The following POLR3C variants were observed in gnomAD, a reference collection of about 807,000 sequenced individuals.
POLR3C encodes the protein RNA polymerase III subunit C.
Under a neutral mutation model 65.9 loss-of-function variants are expected in POLR3C, and 44 were observed. That is an observed-to-expected ratio of 0.67 (90% CI 0.52 to 0.86). The LOEUF (loss-of-function observed/expected upper bound fraction) is 0.86, where lower values mean the gene tolerates loss of function less well. POLR3C is among the 40% of genes least tolerant of loss of function. The pLI is 0.00. For missense variants in POLR3C, 576 were observed against 653.2 expected (o/e 0.88, Z 1.29); for synonymous variants, 263 against 231.6 (o/e 1.14, Z -1.23).
At chr1:145,838,544 C>T (rs1389293716) in intron 11 of POLR3C, among the ~76,000 whole-genome samples, 1 of 151,946 alleles carries the variant, frequency 6.6e-6, no homozygotes, top group East Asian at 1.9e-4. Context: ...TTAGCTGGGC[C>T]TGGTGGCACA....
intron 9 of POLR3C, 38 bp from the exon 10 acceptor site, chr1:145,837,498 C>CA (rs782329869): frequency 3.4e-6 from 4 of 1,176,426 alleles, no homozygotes; most frequent in Non-Finnish European, 4.9e-6. Flanking sequence ...ATAACTAGGC[C>CA]AAAACATTAC....
chr1:145,827,758 CAAAAA>C, intron 4 of POLR3C, among the ~76,000 whole-genome samples: 1 of 58,552 alleles, frequency 1.7e-5, no homozygotes, highest in South Asian at 5.6e-4. Flanking sequence ...GACTCCGTCT[CAAAAA>C]AAAAAAAAAA....
At position 145,838,169 on chromosome 1, in the gene POLR3C, T is replaced by C; in HGVS notation, c.1184T>C (p.Leu395Pro). 1 of 1,613,868 alleles carries C rather than the reference T, an allele frequency of 6.2e-7. No individual in the cohort carries two copies. The highest frequency in any genetic ancestry group is 8.5e-7 in the Non-Finnish European group (1 of 1,179,702). The change falls in exon 11 of 15, where the codon CTA (leucine) becomes CCA (proline). Residue 395 changes from leucine (L) to proline (P), a missense_variant. Coordinates refer to ENST00000334163, the MANE Select transcript of POLR3C (RefSeq NM_006468.8). ...MIPAKEAKDMLYKMLSENFMS... is the reference protein window; with the variant it reads ...MIPAKEAKDMPYKMLSENFMS... ...CCTGCAAAGGAGGCAAAGGATATGC[T>C]ATATAAGATGCTCTCAGAAAATTTC...
rs150281840 is a variant in POLR3C, at chr1:145,839,966, G to A, written c.1298G>A (p.Arg433Gln). ...ACTGTGAACATCCTGTCAGCTGCCCGAATGTTGTTGCACAGGTGCTACAAG... is the reference window on the plus strand; with the variant it reads ...ACTGTGAACATCCTGTCAGCTGCCCAAATGTTGTTGCACAGGTGCTACAAG... ...LYTVNILSAARMLLHRCYKSI... is the reference protein window; with the variant it reads ...LYTVNILSAAQMLLHRCYKSI... The change falls in exon 12 of 15, where the codon CGA becomes CAA. Residue 433 changes from arginine to glutamine, a missense_variant. Transcript: ENST00000334163. 3.6e-5 allele frequency: 58 copies of A among 1,609,876 alleles called. No homozygotes were observed. The East Asian group carries it at 6.9e-4, about 19-fold the overall frequency.
chr1:145,836,691 G>C lies in POLR3C; in HGVS notation c.957+117G>C, dbSNP rs1478845620. On this transcript the variant is annotated intron_variant, in intron 8 of 14. Coordinates refer to ENST00000334163, the MANE Select transcript of POLR3C (RefSeq NM_006468.8). The stretch of plus-strand genomic sequence containing the variant: ...AGTTATTCTCTACCTAGCCAGCCCA[G>C]ACAATTTCTCCACATCATTTGATAG... 8.5e-6 allele frequency: 8 copies of C among 941,122 alleles called. No individual in the cohort carries two copies. In the African/African-American group the frequency reaches 1.1e-4, roughly 13 times the overall value. The allele number at this position is 941,122 out of a possible 1,614,324, so 58.3% of individuals were successfully genotyped here.
Position 145,824,228 on chromosome 1 carries a change from C to T in POLR3C, c.-162C>T. On this transcript the variant is annotated 5_prime_UTR_variant, in exon 1 of 15. Coordinates refer to ENST00000334163, the MANE Select transcript of POLR3C (RefSeq NM_006468.8). Reference sequence around the variant, plus strand: ...GTGGCACGCGCTTTTTGCTTTTCCGCGTCTTCTTCGGTGGCGATCCGCGTC... The same window carrying T: ...GTGGCACGCGCTTTTTGCTTTTCCGTGTCTTCTTCGGTGGCGATCCGCGTC... 1 of 276,668 alleles carries T rather than the reference C, an allele frequency of 3.6e-6. No individual in the cohort carries two copies. Among genetic ancestry groups the T allele is most frequent in the South Asian group, 3.6e-5 (1 of 27,664 alleles). The allele number at this position is 276,668 out of a possible 1,614,324, so 17.1% of individuals were successfully genotyped here.
chr1:145,838,279 C>T, intron 11 of POLR3C, 73 bp downstream of exon 11: 1 of 1,183,456 alleles, frequency 8.4e-7, no homozygotes, highest in Non-Finnish European at 1.2e-6. Flanking sequence ...CTTAGGCAAA[C>T]ATACTGAACC....
Position 145,843,886 on chromosome 1 carries a change from AAAG to A in POLR3C, c.*1471_*1473del, listed in dbSNP as rs1553731392. On this transcript the variant is annotated 3_prime_UTR_variant, in exon 15 of 15. Coordinates refer to ENST00000334163, the MANE Select transcript of POLR3C (RefSeq NM_006468.8). ...AAAAGATCTTAATAGGTAGTTTTCG[AAAG>A]AAGATACACAAATGGCCGACAGATA... Among the ~76,000 whole-genome samples, 1 of 152,252 alleles carries A rather than the reference AAAG, an allele frequency of 6.6e-6. No individual in the cohort carries two copies. The highest frequency in any genetic ancestry group is 2.4e-5 in the African/African-American group (1 of 41,470).
intron 13 of POLR3C, 76 bp from the exon 14 acceptor site, chr1:145,840,846 G>A (rs782444632): frequency 1.3e-5 from 14 of 1,060,110 alleles, no homozygotes; most frequent in Non-Finnish European, 2.0e-5. Flanking sequence ...AGGGTGGTGG[G>A]TAGTGCCTCA....
chr1:145,841,992 T>G (rs1435711319), intron 14 of POLR3C, among the ~76,000 whole-genome samples: 4 of 152,220 alleles, frequency 2.6e-5, no homozygotes, highest in African/African-American at 9.7e-5. Context: ...CATTTCTTCC[T>G]AATCACCACT....
intron 5 of POLR3C, among the ~76,000 whole-genome samples, chr1:145,829,080 T>C (rs782721367): frequency 6.6e-6 from 1 of 152,192 alleles, no homozygotes; most frequent in African/African-American, 2.4e-5. Flanking sequence ...AGAAAAAGTT[T>C]AGGTTGCTCA....
intron 9 of POLR3C, 67 bp downstream of exon 9, chr1:145,836,933 A>G (rs1180950241): frequency 2.3e-5 from 18 of 786,204 alleles, no homozygotes; most frequent in Non-Finnish European, 3.3e-5. Flanking sequence ...GTGCCTTAGG[A>G]AAGAAAGATT....
intron 7 of POLR3C, among the ~76,000 whole-genome samples, chr1:145,835,413 C>G (rs1291636367): frequency 6.7e-6 from 1 of 148,736 alleles, no homozygotes. Context: ...CCACTGCACT[C>G]TAGCCTGGGA....
chr1:145,831,005 G>A (rs2101639211), intron 5 of POLR3C, among the ~76,000 whole-genome samples: 1 of 151,884 alleles, frequency 6.6e-6, no homozygotes, highest in South Asian at 2.1e-4. Flanking sequence ...GGGCTGAGGT[G>A]GGAGGATCAC....
chr1:145,840,073 A>G (rs782374866), intron 12 of POLR3C, 43 bp from the exon 13 acceptor site: 43 of 1,559,720 alleles, frequency 2.8e-5, no homozygotes, highest in Non-Finnish European at 3.8e-5. Flanking sequence ...GAGCTGCTGA[A>G]ATAGAACTAT....
At chr1:145,839,557 C>T in intron 11 of POLR3C, 1 of 207,676 alleles carries the variant, frequency 4.8e-6, no homozygotes, top group Non-Finnish European at 9.7e-6. Flanking sequence ...GAGACCATGT[C>T]TCCACCACCC....
At chr1:145,842,001 C>T (rs895511721) in intron 14 of POLR3C, among the ~76,000 whole-genome samples, 1 of 152,142 alleles carries the variant, frequency 6.6e-6, no homozygotes, top group African/African-American at 2.4e-5. Flanking sequence ...CTAATCACCA[C>T]TCACTTTAAG....
At chr1:145,831,054 G>T (rs1651265651) in intron 5 of POLR3C, among the ~76,000 whole-genome samples, 1 of 151,692 alleles carries the variant, frequency 6.6e-6, no homozygotes, top group Non-Finnish European at 1.5e-5. Flanking sequence ...AGCCATGATG[G>T]TGCCACTGCA....
At chr1:145,832,209 C>T (rs1176607936) in intron 5 of POLR3C, among the ~76,000 whole-genome samples, 4 of 152,128 alleles carry the variant, frequency 2.6e-5, no homozygotes, top group Non-Finnish European at 4.4e-5. Context: ...TGGAATTTCA[C>T]TGGAATGCGA....
Sources: allele counts gnomAD v4.1 joint callset (sites outside exome capture counted in the v4.1 genomes callset), GRCh38; gene constraint gnomAD v4.1.1; transcripts MANE v1.5; gene names NCBI Gene and HGNC (gene_info 2026-07-23, HGNC 2026-07-21).